EEPD1: variants seen among roughly 807,000 people sequenced by gnomAD.
EEPD1 encodes the protein endonuclease/exonuclease/phosphatase family domain containing 1.
In EEPD1, 17 loss-of-function variants were observed where a neutral mutation model predicts 46.3. The observed-to-expected ratio is 0.37, with a 90% CI of 0.25 to 0.55. The LOEUF (loss-of-function observed/expected upper bound fraction) is 0.55, where lower values mean the gene tolerates loss of function less well. EEPD1 is among the 20% of genes least tolerant of loss of function. EEPD1 has a pLI of 0.83. For missense variants in EEPD1, 673 were observed against 745.6 expected (o/e 0.90, Z 1.13); for synonymous variants, 313 against 315.6 (o/e 0.99, Z 0.09).
At chr7:36,157,849 G>A (rs941579813) in intron 2 of EEPD1, among the ~76,000 whole-genome samples, 1 of 141,306 alleles carries the variant, frequency 7.1e-6, no homozygotes, top group African/African-American at 2.6e-5. Context: ...CTCAATGATA[G>A]CAGCACCCAT....
At chr7:36,270,980 T>TTTATTA in intron 3 of EEPD1, among the ~76,000 whole-genome samples, 1 of 113,270 alleles carries the variant, frequency 8.8e-6, no homozygotes, top group East Asian at 2.3e-4. Context: ...TTCCTTTTTA[T>TTTATTA]TTATTATTAT....
At position 36,154,906 on chromosome 7, in the gene EEPD1, G is replaced by A; in HGVS notation, c.582G>A (p.Gln194=). ...NAAFLDRIRH[Q]VFAERSRPPS... ...CCTTCCTGGACAGGATCCGGCACCAGGTGTTTGCTGAGAGGTCCAGGCCCC... is the reference window on the plus strand; with the variant it reads ...CCTTCCTGGACAGGATCCGGCACCAAGTGTTTGCTGAGAGGTCCAGGCCCC... The change falls in exon 2 of 8, where the codon CAG becomes CAA. Residue 194 remains glutamine (Q), a synonymous_variant. Transcript: ENST00000242108. This position sits in a 1 kb window ranked among gnomAD's most constrained non-coding sequence, Gnocchi z 4.2. 6.2e-7 allele frequency: 1 copy of A among 1,614,150 alleles called. No individual in the cohort carries two copies. The highest frequency in any genetic ancestry group is 2.2e-5 in the East Asian group (1 of 44,880).
At chr7:36,181,898 C>T (rs905917171) in intron 2 of EEPD1, among the ~76,000 whole-genome samples, 14 of 152,172 alleles carry the variant, frequency 9.2e-5, no homozygotes, top group Non-Finnish European at 1.8e-4. Context: ...AGACTTGCCC[C>T]ATCTGTTACT....
At chr7:36,259,015 CTG>C (rs1786871630) in intron 3 of EEPD1, among the ~76,000 whole-genome samples, 1 of 152,048 alleles carries the variant, frequency 6.6e-6, no homozygotes, top group African/African-American at 2.4e-5. Flanking sequence ...GTTGTGAAGA[CTG>C]TGGGAAAAGC....
intron 2 of EEPD1, among the ~76,000 whole-genome samples, chr7:36,206,619 G>A (rs919461871): frequency 1.3e-5 from 2 of 152,120 alleles, no homozygotes; most frequent in Non-Finnish European, 2.9e-5. Flanking sequence ...CTCATGTAGA[G>A]TCCTCCTAAT....
chr7:36,213,927 A>G (rs1200270757), intron 2 of EEPD1, among the ~76,000 whole-genome samples: 1 of 152,148 alleles, frequency 6.6e-6, no homozygotes, highest in Non-Finnish European at 1.5e-5. Flanking sequence ...GAGTGAATGA[A>G]AGCATGTGGC....
intron 3 of EEPD1, among the ~76,000 whole-genome samples, chr7:36,244,915 G>C (rs1349942054): frequency 6.6e-6 from 1 of 151,432 alleles, no homozygotes; most frequent in East Asian, 1.9e-4. Flanking sequence ...TGGGATTATA[G>C]GTGTCTGCCA....
rs143828081 is a variant in EEPD1, at chr7:36,219,088, A to G, written c.879-19897A>G. Among the ~76,000 whole-genome samples, 18 of 152,280 alleles carry G rather than the reference A, an allele frequency of 1.2e-4. No individual in the cohort carries two copies. In the East Asian group the frequency reaches 3.3e-3, roughly 28 times the overall value. Reference sequence around the variant, plus strand: ...TCCTTTGTGGGAAATATCAAAAACCAAATCATTGGATTGTAACATACTTTG... The same window carrying G: ...TCCTTTGTGGGAAATATCAAAAACCGAATCATTGGATTGTAACATACTTTG... On this transcript the variant is annotated intron_variant, in intron 2 of 7. Coordinates refer to ENST00000242108, the MANE Select transcript of EEPD1 (RefSeq NM_030636.3).
At chr7:36,164,034 T>C (rs1784943296) in intron 2 of EEPD1, among the ~76,000 whole-genome samples, 1 of 152,252 alleles carries the variant, frequency 6.6e-6, no homozygotes, top group Non-Finnish European at 1.5e-5. Flanking sequence ...AGTATACTGA[T>C]ATATAATGAT....
At chr7:36,194,569 C>T (rs1785542640) in intron 2 of EEPD1, among the ~76,000 whole-genome samples, 1 of 152,146 alleles carries the variant, frequency 6.6e-6, no homozygotes, top group Non-Finnish European at 1.5e-5. Context: ...GAATCAAATC[C>T]CCCTAGAACT....
chr7:36,216,476 T>C (rs1381806559), intron 2 of EEPD1, among the ~76,000 whole-genome samples: 1 of 152,212 alleles, frequency 6.6e-6, no homozygotes, highest in East Asian at 1.9e-4. Flanking sequence ...AGGGAGTGGA[T>C]TGTGCAACTG....
intron 3 of EEPD1, among the ~76,000 whole-genome samples, chr7:36,242,768 C>CA (rs34909516): frequency 0.043 from 3,686 of 85,300 alleles, 95 homozygotes; most frequent in South Asian, 0.12. Context: ...AATAAAAATA[C>CA]AAAAAAAAAA....
intron 2 of EEPD1, among the ~76,000 whole-genome samples, chr7:36,160,050 C>T (rs952165359): frequency 6.6e-6 from 1 of 152,218 alleles, no homozygotes; most frequent in Non-Finnish European, 1.5e-5. Flanking sequence ...TACAAGGAAG[C>T]TGGGCCCATT....
intron 2 of EEPD1, among the ~76,000 whole-genome samples, chr7:36,187,524 C>T (rs888044): frequency 0.91 from 138,169 of 152,248 alleles, 63,170 homozygotes; most frequent in Non-Finnish European, 0.97. Context: ...TGTGGCTTAT[C>T]TCACTTCGCA....
chr7:36,297,031 G>A lies in EEPD1; in HGVS notation c.1354G>A (p.Gly452Arg). ...DVIILGDFGQ[G>R]PDSNDYDILR... ...CATTATCTTAGGGGATTTTGGCCAA[G>A]GGCCAGACAGCAATGACTATGATAT... The change falls in exon 7 of 8, where the codon GGG (glycine) becomes AGG (arginine). Residue 452 changes from glycine (G) to arginine (R), a missense_variant. Physicochemically the swap from Gly to Arg is moderately radical, Grantham distance 125. Coordinates refer to ENST00000242108, the MANE Select transcript of EEPD1 (RefSeq NM_030636.3). The A allele has an allele frequency of 6.2e-7, 1 of 1,614,210 alleles. No homozygotes were observed. The highest frequency in any genetic ancestry group is 8.5e-7 in the Non-Finnish European group (1 of 1,180,036).
At chr7:36,192,885 G>A (rs1785484084) in intron 2 of EEPD1, among the ~76,000 whole-genome samples, 1 of 152,250 alleles carries the variant, frequency 6.6e-6, no homozygotes, top group South Asian at 2.1e-4. Flanking sequence ...TGGGCTGCAT[G>A]TTCTCCATGA....
rs571111671 is a variant in EEPD1, at chr7:36,293,291, G to A, written c.1316-3702G>A. ...ATGGCAAAGTGTTCTTGGGTGAGACGTGTTAACAGTTCGAGGTACCCGTCC... is the reference window on the plus strand; with the variant it reads ...ATGGCAAAGTGTTCTTGGGTGAGACATGTTAACAGTTCGAGGTACCCGTCC... On this transcript the variant is annotated intron_variant, in intron 6 of 7. Coordinates refer to ENST00000242108, the MANE Select transcript of EEPD1 (RefSeq NM_030636.3). Among the ~76,000 whole-genome samples, 9 of 152,228 alleles carry A rather than the reference G, an allele frequency of 5.9e-5. No homozygotes were observed. The South Asian group carries it at 1.0e-3, about 18-fold the overall frequency.
At chr7:36,181,343 G>T (rs1785267163) in intron 2 of EEPD1, among the ~76,000 whole-genome samples, 1 of 152,118 alleles carries the variant, frequency 6.6e-6, no homozygotes, top group African/African-American at 2.4e-5. Flanking sequence ...TAGCCCTCCT[G>T]GCTGTGACTC....
At chr7:36,187,386 T>C (rs1283456015) in intron 2 of EEPD1, among the ~76,000 whole-genome samples, 1 of 152,166 alleles carries the variant, frequency 6.6e-6, no homozygotes, top group African/African-American at 2.4e-5. Flanking sequence ...TGTGCCCCCA[T>C]TAAACACTAA....
Sources: allele counts gnomAD v4.1 joint callset (sites outside exome capture counted in the v4.1 genomes callset), GRCh38; gene constraint gnomAD v4.1.1; non-coding constraint Gnocchi (gnomAD v3.1); transcripts MANE v1.5; gene names NCBI Gene and HGNC (gene_info 2026-07-23, HGNC 2026-07-21).